IKBKB: variants seen among roughly 807,000 people sequenced by gnomAD.
IKBKB encodes inhibitor of nuclear factor kappa B kinase subunit beta.
IKBKB carries 42 observed loss-of-function variants against 113.6 expected under a neutral mutation model. The ratio of observed to expected loss-of-function variants is 0.37; its 90% CI spans 0.29 to 0.48. The LOEUF (loss-of-function observed/expected upper bound fraction) is 0.48, where lower values mean the gene tolerates loss of function less well. Ranked by LOEUF, IKBKB falls within the 20% of genes least tolerant of loss-of-function variation. The pLI is 0.99. For synonymous variants in IKBKB, 296 were observed against 361.3 expected (o/e 0.82, Z 2.05); for missense variants, 673 against 939.7 (o/e 0.72, Z 3.71).
At chr8:42,330,432 C>A in intron 21 of IKBKB, 1 of 414,812 alleles carries the variant, frequency 2.4e-6, no homozygotes, top group Non-Finnish European at 3.2e-6. Flanking sequence ...GCGATCCGCT[C>A]GCCTCTGCCT....
At position 42,273,494 on chromosome 8, in the gene IKBKB, G is replaced by A. The variant is rs574051140; in HGVS notation, c.105+1289G>A. Among the ~76,000 whole-genome samples, 15 of 151,746 alleles carry A rather than the reference G, an allele frequency of 9.9e-5. No individual in the cohort carries two copies. In the South Asian group the frequency reaches 3.1e-3, roughly 32 times the overall value. On this transcript the variant is annotated intron_variant, in intron 2 of 21. Transcript: ENST00000520810. Reference sequence around the variant, plus strand: ...CCAGTATTGCTTGCGATACTGCACGGCAAAAAATAAGCAGATCCACATGAA... The same window carrying A: ...CCAGTATTGCTTGCGATACTGCACGACAAAAAATAAGCAGATCCACATGAA...
chr8:42,320,697 T>A (rs962171978), intron 15 of IKBKB, 38 bp from the exon 16 acceptor site: 1 of 1,542,498 alleles, frequency 6.5e-7, no homozygotes, highest in African/African-American at 1.4e-5. Flanking sequence ...AGCATGCGCC[T>A]ACCACATCAG....
intron 20 of IKBKB, among the ~76,000 whole-genome samples, chr8:42,327,106 G>C (rs1820890223): frequency 6.6e-6 from 1 of 152,134 alleles, no homozygotes; most frequent in African/African-American, 2.4e-5. Flanking sequence ...GAGCTTTATG[G>C]TATATAAATT....
intron 6 of IKBKB, among the ~76,000 whole-genome samples, chr8:42,305,572 G>T (rs1281161432): frequency 6.7e-6 from 1 of 150,346 alleles, no homozygotes; most frequent in Non-Finnish European, 1.5e-5. Context: ...CTTGGAAGTC[G>T]ACTTTTTGTT....
intron 3 of IKBKB, among the ~76,000 whole-genome samples, 183 bp downstream of exon 3, chr8:42,288,911 G>A (rs868548755): frequency 1.3e-5 from 2 of 152,086 alleles, no homozygotes; most frequent in Admixed American, 6.6e-5. Context: ...GTGAAACCCC[G>A]TCTCTACTAA....
rs200207727 is a variant in IKBKB, at chr8:42,332,284, A to G, written c.*1305A>G. 6.6e-6 allele frequency: 1 copy of G among 152,238 alleles called. No individual in the cohort carries two copies. Among genetic ancestry groups the G allele is most frequent in the Non-Finnish European group, 1.5e-5 (1 of 68,048 alleles). The allele number at this position is 152,238 out of a possible 1,614,324, so 9.4% of individuals were successfully genotyped here. On this transcript the variant is annotated 3_prime_UTR_variant, in exon 22 of 22. Coordinates refer to ENST00000520810, the MANE Select transcript of IKBKB (RefSeq NM_001556.3). ...GTGGAGATTCACACTATGCACTGGG[A>G]AAGTATCTGAAAAGTCTTATAATAA...
chr8:42,273,425 T>A (rs565694414), intron 2 of IKBKB, among the ~76,000 whole-genome samples: 6,117 of 150,184 alleles, frequency 0.041, 145 homozygotes, highest in African/African-American at 0.057. Context: ...AAAAAATATA[T>A]ATATATATAT....
chr8:42,295,896 A>G (rs1813685982), intron 5 of IKBKB, among the ~76,000 whole-genome samples: 1 of 152,142 alleles, frequency 6.6e-6, no homozygotes. Context: ...GGTAGCTTTT[A>G]TATTATTTTA....
Position 42,316,387 on chromosome 8 carries a change from G to T in IKBKB, c.930+48G>T, listed in dbSNP as rs1818689201. ...CCTGAGGCAAAAGCTGGGGTCCCCA[G>T]TGGAACATGCAGTTCTTAGGACAGA... On this transcript the variant is annotated intron_variant, in intron 10 of 21. Coordinates refer to ENST00000520810, the MANE Select transcript of IKBKB (RefSeq NM_001556.3). The surrounding 1 kb of genome is among the most constrained non-coding windows in gnomAD (Gnocchi z 4.5). 6.2e-7 allele frequency: 1 copy of T among 1,611,420 alleles called. No individual in the cohort carries two copies. Among genetic ancestry groups the T allele is most frequent in the African/African-American group, 1.3e-5 (1 of 74,908 alleles).
intron 1 of IKBKB, 32 bp from the exon 2 acceptor site, chr8:42,272,051 A>C: frequency 1.3e-6 from 2 of 1,587,656 alleles, no homozygotes; most frequent in Admixed American, 1.8e-5. Context: ...TCTTAATCCT[A>C]ACCTTTTTTC....
chr8:42,271,923 G>T, intron 1 of IKBKB, 160 bp from the exon 2 acceptor site: 1 of 794,342 alleles, frequency 1.3e-6, no homozygotes, highest in Non-Finnish European at 1.9e-6. Flanking sequence ...CACAAAGTTT[G>T]GACCAACCAA....
At chr8:42,328,190 G>T (rs778497156) in intron 20 of IKBKB, among the ~76,000 whole-genome samples, 3 of 143,766 alleles carry the variant, frequency 2.1e-5, no homozygotes. Context: ...TGGGTGATCC[G>T]CCCGCCTTGG....
At position 42,316,904 on chromosome 8, in the gene IKBKB, G is replaced by A; in HGVS notation, c.1125G>A (p.Lys375=). ...CCACTCAGTGTATTTCAGACGGCAA[G>A]GTGAGCCCTGGCTTCGTACACACCA... is the stretch of plus-strand genomic sequence containing the variant. ...KPATQCISDG[K]LNEGHTLDMD... Residue 375 remains lysine (K), a splice_region_variant and synonymous_variant, in exon 11 of 22, where the codon AAG becomes AAA. Transcript: ENST00000520810. This position sits in a 1 kb window ranked among gnomAD's most constrained non-coding sequence, Gnocchi z 4.5. The A allele has an allele frequency of 6.2e-7, 1 of 1,613,820 alleles. No individual in the cohort carries two copies. The highest frequency in any genetic ancestry group is 8.5e-7 in the Non-Finnish European group (1 of 1,179,898).
chr8:42,288,965 C>T (rs530872830), intron 3 of IKBKB, among the ~76,000 whole-genome samples: 12 of 151,982 alleles, frequency 7.9e-5, no homozygotes, highest in Non-Finnish European at 1.5e-4. Context: ...CCTGTAGTCC[C>T]AGCTACAGAG....
rs753070918 is a variant in IKBKB, at chr8:42,331,365, CCACA to C, written c.*390_*393del. ...AGAAAAGTGCTTGGAGTACGGTTTG[CCACA>C]CACGTGACTGGACAGTGTCCAATTC... is the stretch of plus-strand genomic sequence containing the variant. On this transcript the variant is annotated 3_prime_UTR_variant, in exon 22 of 22. Coordinates refer to ENST00000520810, the MANE Select transcript of IKBKB (RefSeq NM_001556.3). 36 of 702,800 alleles carry C rather than the reference CCACA, an allele frequency of 5.1e-5. No homozygotes were observed. The highest frequency in any genetic ancestry group is 8.6e-5 in the Non-Finnish European group (33 of 385,016). 43.5% of individuals were successfully genotyped at this position (702,800 alleles called of 1,614,324 possible). A position where few individuals can be genotyped will look rare whatever the true frequency, so the allele number is the denominator to read the frequency against.
intron 20 of IKBKB, 35 bp downstream of exon 20, chr8:42,326,132 C>A (rs1211395321): frequency 6.2e-7 from 1 of 1,612,720 alleles, no homozygotes; most frequent in Non-Finnish European, 8.5e-7. Context: ...GTGTGACCAT[C>A]AAGGGCACGT....
intron 8 of IKBKB, among the ~76,000 whole-genome samples, chr8:42,311,733 T>A (rs1388812948): frequency 6.6e-6 from 1 of 152,184 alleles, no homozygotes; most frequent in African/African-American, 2.4e-5. Context: ...TATGCCCCAC[T>A]ATGGTGACTT....
intron 3 of IKBKB, among the ~76,000 whole-genome samples, chr8:42,289,268 G>T (rs2130297625): frequency 6.6e-6 from 1 of 152,332 alleles, no homozygotes; most frequent in East Asian, 1.9e-4. Context: ...GCGCCAGCCT[G>T]GCAGTCTCCA....
intron 2 of IKBKB, among the ~76,000 whole-genome samples, chr8:42,282,655 C>T (rs1810608889): frequency 6.6e-6 from 1 of 152,188 alleles, no homozygotes; most frequent in Non-Finnish European, 1.5e-5. Flanking sequence ...TCCTTCTTAC[C>T]TTACATGTGT....
Sources: allele counts gnomAD v4.1 joint callset (sites outside exome capture counted in the v4.1 genomes callset), GRCh38; gene constraint gnomAD v4.1.1; non-coding constraint Gnocchi (gnomAD v3.1); transcripts MANE v1.5; gene names NCBI Gene and HGNC (gene_info 2026-07-23, HGNC 2026-07-21).